MON2: variants seen among roughly 807,000 people sequenced by gnomAD.
The protein encoded by MON2 is MON2 regulator of endosome-to-Golgi trafficking, also known as protein MON2 homolog.
In MON2, 84 loss-of-function variants were observed where a neutral mutation model predicts 208.6. The ratio of observed to expected loss-of-function variants is 0.40; its 90% CI spans 0.34 to 0.48. The LOEUF (loss-of-function observed/expected upper bound fraction) is 0.48, where lower values mean the gene tolerates loss of function less well. Among genes scored for constraint, MON2 ranks in the 20% least tolerant of loss-of-function variants. MON2 has a pLI of 0.59. For missense variants in MON2, 1,611 were observed against 2,015.4 expected, an observed-to-expected ratio of 0.80 and a Z score of 3.84; for synonymous variants, 660 against 694.0, an observed-to-expected ratio of 0.95 and a Z score of 0.77.
Position 62,571,424 on chromosome 12 carries a change from C to T in MON2, c.4356C>T (p.Ser1452=). The T allele has an allele frequency of 6.2e-7, 1 of 1,612,052 alleles. No homozygotes were observed. Among genetic ancestry groups the T allele is most frequent in the Non-Finnish European group, 8.5e-7 (1 of 1,178,574 alleles). The change falls in exon 30 of 35, where the codon TCC becomes TCT. Residue 1452 remains serine, a synonymous_variant. Transcript: ENST00000393630. ...TLRVPLSLKY[S]CPSESTWKLA... is the part of the protein sequence containing the mutation. ...GGGTTCCTCTCAGTTTGAAGTATTCCTGCCCTTCTGAAAGCACATGGAAAC... is the reference window on the plus strand; with the variant it reads ...GGGTTCCTCTCAGTTTGAAGTATTCTTGCCCTTCTGAAAGCACATGGAAAC...
At chr12:62,537,361 C>A in intron 15 of MON2, 98 bp downstream of exon 15, 1 of 833,914 alleles carries the variant, frequency 1.2e-6, no homozygotes, top group Admixed American at 2.9e-5. Flanking sequence ...CATTTATTTA[C>A]TTTCTTTTAC....
chr12:62,540,471 T>C (rs1191070333), intron 19 of MON2, among the ~76,000 whole-genome samples: 1 of 152,136 alleles, frequency 6.6e-6, no homozygotes, highest in Non-Finnish European at 1.5e-5. Flanking sequence ...AGGATTTAGG[T>C]AGGAAAGGGC....
At chr12:62,575,378 A>G (rs1220289564) in intron 30 of MON2, among the ~76,000 whole-genome samples, 2 of 152,218 alleles carry the variant, frequency 1.3e-5, no homozygotes, top group African/African-American at 2.4e-5. Context: ...AATAATTGAT[A>G]ACTTTGGAGG....
chr12:62,548,512 C>T (rs575125138), intron 22 of MON2, among the ~76,000 whole-genome samples: 34 of 152,206 alleles, frequency 2.2e-4, no homozygotes, highest in African/African-American at 6.7e-4. Flanking sequence ...ATGACTAGTT[C>T]GGAAGTTGTA....
At chr12:62,576,664 G>A (rs1181632510) in intron 30 of MON2, among the ~76,000 whole-genome samples, 1 of 151,850 alleles carries the variant, frequency 6.6e-6, no homozygotes, top group Middle Eastern at 3.2e-3. Flanking sequence ...CTGCAGTATT[G>A]ACCATTGCCC....
At chr12:62,579,388 T>C (rs2074917634) in intron 31 of MON2, among the ~76,000 whole-genome samples, 1 of 151,862 alleles carries the variant, frequency 6.6e-6, no homozygotes, top group African/African-American at 2.4e-5. Flanking sequence ...TTAAGTGGGA[T>C]AGAGGAACTT....
rs976337978 is a variant in MON2, at chr12:62,485,653, G to A, written c.175+1420G>A. Reference sequence around the variant, plus strand: ...ATAGTGAAAGTGGTGGGTAAAGGCAGAGGTGCACATGGTAGGGTTAGGAAG... The same window carrying A: ...ATAGTGAAAGTGGTGGGTAAAGGCAAAGGTGCACATGGTAGGGTTAGGAAG... On this transcript the variant is annotated intron_variant, in intron 2 of 34. Coordinates refer to ENST00000393630, the MANE Select transcript of MON2 (RefSeq NM_015026.3). Among the ~76,000 whole-genome samples the A allele has an allele frequency of 2.0e-5, 3 of 152,300 alleles. 1 individual carries two copies. Among genetic ancestry groups the A allele is most frequent in the South Asian group, 4.1e-4 (2 of 4,826 alleles).
At chr12:62,589,091 G>A (rs2075311414) in intron 34 of MON2, 1 of 160,662 alleles carries the variant, frequency 6.2e-6, no homozygotes, top group South Asian at 2.0e-4. Context: ...CTACAACATT[G>A]CTTTTCAAAG....
chr12:62,496,997 G>A (rs1430039025), intron 4 of MON2, among the ~76,000 whole-genome samples: 2 of 144,516 alleles, frequency 1.4e-5, no homozygotes, highest in African/African-American at 2.6e-5. Context: ...ATGAGTTCAT[G>A]TCCTTTGTAG....
In MON2 at chr12:62,499,079, G is replaced by T. The variant is rs202067493; in HGVS notation, c.565+31G>T. On this transcript the variant is annotated intron_variant, in intron 5 of 34. Coordinates refer to ENST00000393630, the MANE Select transcript of MON2 (RefSeq NM_015026.3). ...GTGCTAGAAGTTGTTTTACTTTGTG[G>T]GTGGTTCTTGGATGATTTCATTTGT... 88 of 1,602,310 alleles carry T rather than the reference G, an allele frequency of 5.5e-5. No individual in the cohort carries two copies. In the African/African-American group the frequency reaches 1.0e-3, roughly 19 times the overall value.
chr12:62,490,328 G>GTT (rs201990687), intron 2 of MON2, among the ~76,000 whole-genome samples: 42 of 149,934 alleles, frequency 2.8e-4, no homozygotes, highest in Non-Finnish European at 5.6e-4. Context: ...AGCTTTTTCT[G>GTT]TTTTTTTTTG....
At chr12:62,490,875 AG>A (rs1269891840) in intron 2 of MON2, among the ~76,000 whole-genome samples, 1 of 152,164 alleles carries the variant, frequency 6.6e-6, no homozygotes, top group Non-Finnish European at 1.5e-5. Flanking sequence ...TCGGCTTGAT[AG>A]ACCTGGTTGT....
At chr12:62,484,277 C>G (rs1420126664) in intron 2 of MON2, 44 bp downstream of exon 2, 11 of 1,254,012 alleles carry the variant, frequency 8.8e-6, no homozygotes, top group Non-Finnish European at 1.1e-5. Flanking sequence ...AAAAATTTGA[C>G]TAATAGTAAA....
At chr12:62,492,999 C>A (rs953458988) in intron 2 of MON2, among the ~76,000 whole-genome samples, 41 of 151,406 alleles carry the variant, frequency 2.7e-4, no homozygotes, top group Admixed American at 1.1e-3. Context: ...ACAAAAAAAA[C>A]CAAAAAGACA....
At chr12:62,496,196 T>G (rs2070477029) in intron 4 of MON2, among the ~76,000 whole-genome samples, 1 of 152,054 alleles carries the variant, frequency 6.6e-6, no homozygotes, top group Non-Finnish European at 1.5e-5. Flanking sequence ...ATGAGCTATA[T>G]AAATATTATA....
At chr12:62,529,778 A>G (rs1334939335) in intron 11 of MON2, among the ~76,000 whole-genome samples, 1 of 152,152 alleles carries the variant, frequency 6.6e-6, no homozygotes, top group Non-Finnish European at 1.5e-5. Flanking sequence ...TGATTTGCCA[A>G]TTCTGGATAT....
At chr12:62,506,485 G>A (rs1011594029) in intron 7 of MON2, among the ~76,000 whole-genome samples, 8 of 151,962 alleles carry the variant, frequency 5.3e-5, no homozygotes, top group African/African-American at 1.2e-4. Context: ...TAATCACAGC[G>A]CTTTGGGAGG....
At chr12:62,539,074 GC>G (rs1318777712) in intron 19 of MON2, among the ~76,000 whole-genome samples, 2 of 151,932 alleles carry the variant, frequency 1.3e-5, no homozygotes, top group Non-Finnish European at 2.9e-5. Context: ...TACTTGGAAA[GC>G]ACAGGAACAG....
At chr12:62,551,994 T>A (rs936165941) in intron 23 of MON2, among the ~76,000 whole-genome samples, 1 of 152,232 alleles carries the variant, frequency 6.6e-6, no homozygotes, top group Non-Finnish European at 1.5e-5. Flanking sequence ...GATAGTTGTA[T>A]CTGTACTGAA....
Sources: allele counts gnomAD v4.1 joint callset (sites outside exome capture counted in the v4.1 genomes callset), GRCh38; gene constraint gnomAD v4.1.1; transcripts MANE v1.5; gene names NCBI Gene and HGNC (gene_info 2026-07-23, HGNC 2026-07-21).